The following NOB1 variants were observed in gnomAD, a reference collection of about 807,000 sequenced individuals.
NOB1 encodes the protein NIN1 (RPN12) binding protein 1 homolog.
A neutral mutation model predicts 44.8 loss-of-function variants in NOB1; 44 were observed. The ratio of observed to expected loss-of-function variants is 0.98; its 90% CI spans 0.77 to 1.26. The LOEUF (loss-of-function observed/expected upper bound fraction) is 1.26. NOB1 is among the 50% of genes most tolerant of loss of function. The probability of loss-of-function intolerance (pLI) is 0.00; values close to 1 mark genes in which losing one functional copy is unlikely to be tolerated. For missense variants in NOB1, 560 were observed against 544.8 expected, an observed-to-expected ratio of 1.03 and a Z score of -0.28; for synonymous variants, 238 against 218.7, an observed-to-expected ratio of 1.09 and a Z score of -0.78.
Position 69,743,600 on chromosome 16 carries a change from C to G in NOB1, c.970-999G>C, listed in dbSNP as rs373492789. ...AATCTAATCCAATCCCGAGGAAATA[C>G]CAGACACACGCAAGGGAAAGGACAT... is the stretch of plus-strand genomic sequence containing the variant. On this transcript the variant is annotated intron_variant, in intron 8 of 8. Transcript: ENST00000268802. 3.6e-4 allele frequency among the ~76,000 whole-genome samples: 55 copies of G among 152,294 alleles called. No individual in the cohort carries two copies. In the South Asian group the frequency reaches 0.011, roughly 32 times the overall value.
intron 8 of NOB1, among the ~76,000 whole-genome samples, chr16:69,744,461 A>G (rs1239712856): frequency 6.6e-6 from 1 of 152,168 alleles, no homozygotes; most frequent in African/African-American, 2.4e-5. Flanking sequence ...AGTGCCACTC[A>G]TTCGTCCTCC....
chr16:69,749,164 T>A, intron 5 of NOB1, 46 bp from the exon 6 acceptor site: 1 of 1,613,470 alleles, frequency 6.2e-7, no homozygotes, highest in South Asian at 1.1e-5. Context: ...ACAGGAGCAG[T>A]GGAGGAGAAG....
intron 3 of NOB1, among the ~76,000 whole-genome samples, chr16:69,750,554 G>A (rs1435662393): frequency 1.3e-5 from 2 of 152,166 alleles, no homozygotes; most frequent in African/African-American, 4.8e-5. Context: ...TTGTGCTCAG[G>A]AGTTTGATGC....
Position 69,754,668 on chromosome 16 carries a change from G to A in NOB1, c.122C>T (p.Ala41Val). The change falls in exon 2 of 9, where the codon GCC becomes GTC. Residue 41 changes from alanine (A) to valine (V), a missense_variant. Physicochemically the swap from Ala to Val is moderately conservative, Grantham distance 64. Transcript: ENST00000268802. ...CAGGACAGCGAGCCGCCTGCGTGTG[G>A]CCTTGTCCCGAATCTCAGTGACCAC... The part of the protein sequence containing the change: ...REVVTEIRDK[A>V]TRRRLAVLPY... 1 of 1,614,188 alleles carries A rather than the reference G, an allele frequency of 6.2e-7. No individual in the cohort carries two copies. Among genetic ancestry groups the A allele is most frequent in the African/African-American group, 1.3e-5 (1 of 75,066 alleles).
chr16:69,750,781 ATT>A (rs1406872656), intron 3 of NOB1, among the ~76,000 whole-genome samples: 1 of 152,204 alleles, frequency 6.6e-6, no homozygotes, highest in Non-Finnish European at 1.5e-5. Flanking sequence ...TCTTAAAAAA[ATT>A]TGAGGGTAGT....
intron 2 of NOB1, among the ~76,000 whole-genome samples, 180 bp downstream of exon 2, chr16:69,754,413 AC>A (rs1403797168): frequency 1.3e-5 from 2 of 152,178 alleles, no homozygotes; most frequent in Non-Finnish European, 2.9e-5. Flanking sequence ...CCGAGAGCAT[AC>A]AGCTAGTTAC....
chr16:69,742,769 C>T (rs1395328762), intron 8 of NOB1, among the ~76,000 whole-genome samples, 168 bp from the exon 9 acceptor site: 3 of 152,150 alleles, frequency 2.0e-5, no homozygotes, highest in Non-Finnish European at 4.4e-5. Flanking sequence ...CGCCTCCCAC[C>T]TGATTCCCAC....
chr16:69,752,435 T>A, intron 2 of NOB1, 64 bp from the exon 3 acceptor site: 1 of 1,547,724 alleles, frequency 6.5e-7, no homozygotes, highest in Non-Finnish European at 8.9e-7. Flanking sequence ...GGATAACCAA[T>A]GGAAGTATCA....
chr16:69,751,326 T>TA (rs1031344695), intron 3 of NOB1, among the ~76,000 whole-genome samples: 4 of 151,602 alleles, frequency 2.6e-5, no homozygotes, highest in South Asian at 2.1e-4. Flanking sequence ...TTCTTTTTTT[T>TA]AAAAAAATTA....
intron 2 of NOB1, among the ~76,000 whole-genome samples, chr16:69,753,651 G>A: frequency 6.6e-6 from 1 of 152,152 alleles, no homozygotes; most frequent in Non-Finnish European, 1.5e-5. Flanking sequence ...GAAAATCGTA[G>A]AAATCACAAA....
intron 2 of NOB1, among the ~76,000 whole-genome samples, chr16:69,753,711 T>G (rs1436052625): frequency 6.6e-6 from 1 of 152,184 alleles, no homozygotes; most frequent in Non-Finnish European, 1.5e-5. Flanking sequence ...TCTAAAACAC[T>G]TCCAACCACT....
chr16:69,745,282 C>T (rs1005401467), intron 7 of NOB1, among the ~76,000 whole-genome samples: 1 of 152,194 alleles, frequency 6.6e-6, no homozygotes, highest in Admixed American at 6.5e-5. Flanking sequence ...CCTTCCTACA[C>T]ACCGCCAGGC....
Position 69,749,602 on chromosome 16 carries a change from G to A in NOB1, c.356C>T (p.Pro119Leu). The change falls in exon 4 of 9, where the codon CCA becomes CTA. Residue 119 changes from proline to leucine, a missense_variant. By Grantham distance (98) the Pro-to-Leu change is moderately conservative. Transcript: ENST00000268802. Reference protein sequence around the residue: ...KVKVSSSIQHPETPLHISGFH... With the variant: ...KVKVSSSIQHLETPLHISGFH... ...ACCAGAAATGTGCAGAGGTGTTTCT[G>A]GGTGCTGAATCGATGAGCTCACCTT... 6.2e-7 allele frequency: 1 copy of A among 1,613,398 alleles called. No homozygotes were observed. Among genetic ancestry groups the A allele is most frequent in the Non-Finnish European group, 8.5e-7 (1 of 1,179,812 alleles).
Position 69,744,802 on chromosome 16 carries a change from A to G in NOB1, c.969+71T>C, listed in dbSNP as rs1014511260. On this transcript the variant is annotated intron_variant, in intron 8 of 8. Coordinates refer to ENST00000268802, the MANE Select transcript of NOB1 (RefSeq NM_014062.3). ...CCCATCTTGCAGAAACGACTAGACT[A>G]GGTTTTCTTTTGTCCTTTCTGTTCT... is the stretch of plus-strand genomic sequence containing the variant. The G allele has an allele frequency of 4.1e-5, 63 of 1,535,302 alleles. 1 individual carries two copies. In the South Asian group the frequency reaches 6.1e-4, roughly 15 times the overall value.
rs777010192 is a variant in NOB1 at position 69,754,870 on chromosome 16, A to G, written c.41T>C (p.Phe14Ser). 11 of 1,598,512 alleles carry G rather than the reference A, an allele frequency of 6.9e-6. No individual in the cohort carries two copies. Among genetic ancestry groups the G allele is most frequent in the Non-Finnish European group, 8.5e-6 (10 of 1,173,592 alleles). Residue 14 changes from phenylalanine to serine, a missense_variant, in exon 1 of 9, where the codon TTC (phenylalanine) becomes TCC (serine). By Grantham distance (155) the Phe-to-Ser change is radical. Coordinates refer to ENST00000268802, the MANE Select transcript of NOB1 (RefSeq NM_014062.3). ...VEHVVADAGA[F>S]LRHAALQDIG... ...TACCTGCAGAGCCGCATGCCGCAGG[A>G]AAGCCCCAGCATCCGCCACAACGTG... is the stretch of plus-strand genomic sequence containing the variant.
chr16:69,748,168 A>C (rs2038448855), intron 7 of NOB1, 64 bp downstream of exon 7: 2 of 1,304,386 alleles, frequency 1.5e-6, no homozygotes, highest in Admixed American at 1.9e-5. Flanking sequence ...GTTTCTCAAA[A>C]CAAAAAAAGA....
chr16:69,742,975 T>C (rs1459251011), intron 8 of NOB1, among the ~76,000 whole-genome samples: 2 of 151,648 alleles, frequency 1.3e-5, no homozygotes, highest in Admixed American at 1.3e-4. Flanking sequence ...AGATCTTTAC[T>C]TCTAAAAACC....
intron 6 of NOB1, 125 bp from the exon 7 acceptor site, chr16:69,748,454 C>T: frequency 1.3e-6 from 1 of 772,638 alleles, no homozygotes; most frequent in East Asian, 2.8e-5. Flanking sequence ...GAAACTCAGC[C>T]TGGGGAGGCC....
rs772919930 is a variant in NOB1 at position 69,748,218 on chromosome 16, C to T, written c.824+14G>A. The T allele has an allele frequency of 1.9e-6, 3 of 1,602,054 alleles. No individual in the cohort carries two copies. Among genetic ancestry groups the T allele is most frequent in the Non-Finnish European group, 2.6e-6 (3 of 1,169,664 alleles). ...TCCACAGAGGGCACCAGGGCCAGGG[C>T]ACCAGCTACATACTTGAAACAGCCA... On this transcript the variant is annotated intron_variant, in intron 7 of 8. Coordinates refer to ENST00000268802, the MANE Select transcript of NOB1 (RefSeq NM_014062.3).
Sources: allele counts gnomAD v4.1 joint callset (sites outside exome capture counted in the v4.1 genomes callset), GRCh38; gene constraint gnomAD v4.1.1; transcripts MANE v1.5; gene names NCBI Gene and HGNC (gene_info 2026-07-23, HGNC 2026-07-21).